The following CYP20A1 variants were observed in gnomAD, a reference collection of about 807,000 sequenced individuals.
CYP20A1 encodes cytochrome P450 20A1.
A neutral mutation model predicts 61.4 loss-of-function variants in CYP20A1; 61 were observed. That is an observed-to-expected ratio of 0.99 (90% confidence interval 0.81 to 1.23). CYP20A1 has a LOEUF of 1.23. CYP20A1 is among the 50% of genes most tolerant of loss of function. The pLI is 0.00. For missense variants in CYP20A1, 530 were observed against 542.4 expected, an observed-to-expected ratio of 0.98 and a Z score of 0.23; for synonymous variants, 193 against 188.2, an observed-to-expected ratio of 1.03 and a Z score of -0.21.
In CYP20A1 at chr2:203,252,017, G is replaced by A; in HGVS notation, c.340G>A (p.Gly114Ser). 2 of 1,610,748 alleles carry A rather than the reference G, an allele frequency of 1.2e-6. No individual in the cohort carries two copies. The highest frequency in any genetic ancestry group is 1.3e-5 in the African/African-American group (1 of 74,734). The change falls in exon 4 of 13, where the codon GGT (glycine) becomes AGT (serine). Residue 114 changes from glycine to serine, a missense_variant. By Grantham distance (56) the Gly-to-Ser change is moderately conservative (BLOSUM62 0). Coordinates refer to ENST00000356079, the MANE Select transcript of CYP20A1 (RefSeq NM_177538.3). ...LKSLLRYQSG[G>S]GSVSENHMRK... ...GTCATTATTAAGGTATCAATCTGGT[G>A]GTGGCAGTGTGAGTGAAAACCACAT...
intron 11 of CYP20A1, among the ~76,000 whole-genome samples, chr2:203,294,941 A>ATTTTTTTT (rs1167546590): frequency 0.019 from 839 of 45,346 alleles, 73 homozygotes; most frequent in Non-Finnish European, 0.023. Context: ...CTTTAAAAAA[A>ATTTTTTTT]TTTTTTTTTT....
intron 3 of CYP20A1, among the ~76,000 whole-genome samples, 149 bp from the exon 4 acceptor site, chr2:203,251,808 TATATATATAA>T (rs1261179951): frequency 5.0e-5 from 5 of 99,576 alleles, no homozygotes; most frequent in African/African-American, 1.4e-4. Flanking sequence ...TATATATATA[TATATATATAA>T]AAAATAAAAA....
chr2:203,261,514 C>T (rs2067136224), intron 4 of CYP20A1, among the ~76,000 whole-genome samples: 1 of 138,768 alleles, frequency 7.2e-6, no homozygotes, highest in Non-Finnish European at 1.6e-5. Flanking sequence ...CTACAGGATG[C>T]AGTGCTCAGT....
Position 203,289,848 on chromosome 2 carries a change from A to G in CYP20A1, c.1055A>G (p.Lys352Arg). 1 of 1,588,916 alleles carries G rather than the reference A, an allele frequency of 6.3e-7. No individual in the cohort carries two copies. The highest frequency in any genetic ancestry group is 1.1e-5 in the South Asian group (1 of 87,670). ...GCCCAGCTTCAAGATATTGAAGGAA[A>G]AATTGACCGATTTATTATTCCTAGA... ...VSAQLQDIEG[K>R]IDRFIIPRET... Residue 352 changes from lysine to arginine, a missense_variant, in exon 10 of 13, where the codon AAA (lysine) becomes AGA (arginine). Lys to Arg is a conservative substitution (Grantham distance 26). Coordinates refer to ENST00000356079, the MANE Select transcript of CYP20A1 (RefSeq NM_177538.3).
intron 5 of CYP20A1, among the ~76,000 whole-genome samples, chr2:203,270,376 A>G (rs1476892678): frequency 6.6e-6 from 1 of 151,976 alleles, no homozygotes; most frequent in Admixed American, 6.6e-5. Context: ...ACACAGTATC[A>G]CCATGTTGCC....
intron 10 of CYP20A1, 138 bp downstream of exon 10, chr2:203,290,014 C>T: frequency 3.0e-6 from 1 of 337,134 alleles, no homozygotes; most frequent in Non-Finnish European, 5.5e-6. Flanking sequence ...GATCTTGGCT[C>T]ACTGCAACCT....
intron 3 of CYP20A1, among the ~76,000 whole-genome samples, chr2:203,247,321 T>C (rs1271046879): frequency 6.6e-6 from 1 of 152,208 alleles, no homozygotes. Flanking sequence ...TGTTCTTGGA[T>C]AGGAATAGCC....
chr2:203,275,612 A>G (rs922384616), intron 6 of CYP20A1, among the ~76,000 whole-genome samples: 1 of 152,056 alleles, frequency 6.6e-6, no homozygotes, highest in Non-Finnish European at 1.5e-5. Context: ...AATAATTTTT[A>G]TAGTTTTAGT....
chr2:203,305,210 T>C lies in CYP20A1; in HGVS notation c.*8302T>C, dbSNP rs2069170683. ...GGTGGCTGTCTTTTTTTTTTTTTTT[T>C]TTTTTTTTTGAGACCGAGTCTCCCT... On this transcript the variant is annotated 3_prime_UTR_variant, in exon 13 of 13. Coordinates refer to ENST00000356079, the MANE Select transcript of CYP20A1 (RefSeq NM_177538.3). 2.1e-5 allele frequency among the ~76,000 whole-genome samples: 3 copies of C among 141,432 alleles called. No individual in the cohort carries two copies. The Admixed American group carries it at 2.2e-4, about 10-fold the overall frequency. The allele number at this position is 141,432 out of a possible 152,430, so 92.8% of individuals were successfully genotyped here. A position where few individuals can be genotyped will look rare whatever the true frequency, so the allele number is the denominator to read the frequency against.
intron 4 of CYP20A1, among the ~76,000 whole-genome samples, chr2:203,256,550 G>T (rs1452316237): frequency 6.6e-6 from 1 of 151,860 alleles, no homozygotes; most frequent in Non-Finnish European, 1.5e-5. Context: ...GTAGAGGCAG[G>T]GTTTCGCCAT....
intron 1 of CYP20A1, among the ~76,000 whole-genome samples, chr2:203,242,200 G>A (rs1263319231): frequency 6.6e-6 from 1 of 151,994 alleles, no homozygotes; most frequent in Non-Finnish European, 1.5e-5. Flanking sequence ...TGCCCAGGCT[G>A]GTCTCGAACT....
chr2:203,254,028 A>C (rs532700700), intron 4 of CYP20A1, among the ~76,000 whole-genome samples: 131 of 151,988 alleles, frequency 8.6e-4, no homozygotes, highest in Middle Eastern at 3.4e-3. Flanking sequence ...GCTCACTGCA[A>C]CTTCCGCCTC....
intron 4 of CYP20A1, among the ~76,000 whole-genome samples, chr2:203,261,243 C>T (rs570558180): frequency 6.6e-6 from 1 of 151,554 alleles, no homozygotes; most frequent in African/African-American, 2.4e-5. Flanking sequence ...ATAGGGGCTA[C>T]TCTAAGGAGA....
intron 9 of CYP20A1, among the ~76,000 whole-genome samples, chr2:203,288,257 G>C (rs549879022): frequency 6.6e-6 from 1 of 151,326 alleles, no homozygotes; most frequent in Non-Finnish European, 1.5e-5. Flanking sequence ...GTAGACACAG[G>C]GTTTTACCAT....
intron 10 of CYP20A1, among the ~76,000 whole-genome samples, chr2:203,291,947 C>A (rs1296366292): frequency 6.6e-6 from 1 of 151,962 alleles, no homozygotes; most frequent in African/African-American, 2.4e-5. Context: ...TTTGTCCTTG[C>A]GATAGTTTGC....
chr2:203,253,391 T>C (rs550732136), intron 4 of CYP20A1, among the ~76,000 whole-genome samples: 1 of 152,082 alleles, frequency 6.6e-6, no homozygotes, highest in African/African-American at 2.4e-5. Context: ...GGCTCCATCC[T>C]CCAGAGGCAA....
rs1011259765 is a variant in CYP20A1, at chr2:203,301,284, T to C, written c.*4376T>C. On this transcript the variant is annotated 3_prime_UTR_variant, in exon 13 of 13. Coordinates refer to ENST00000356079, the MANE Select transcript of CYP20A1 (RefSeq NM_177538.3). ...TTTCTTTTTTTTTTTTGAGGCACAG[T>C]CTTGCTTTGTTGACCAAGCTGGAGT... Among the ~76,000 whole-genome samples, 4 of 150,830 alleles carry C rather than the reference T, an allele frequency of 2.7e-5. No individual in the cohort carries two copies. Among genetic ancestry groups the C allele is most frequent in the African/African-American group, 9.7e-5 (4 of 41,052 alleles).
intron 2 of CYP20A1, 42 bp from the exon 3 acceptor site, chr2:203,246,713 A>T: frequency 6.4e-7 from 1 of 1,570,220 alleles, no homozygotes; most frequent in Non-Finnish European, 8.6e-7. Flanking sequence ...TCATTTTTCC[A>T]AATTAAATTG....
At chr2:203,283,326 C>T (rs2068122212) in intron 8 of CYP20A1, among the ~76,000 whole-genome samples, 1 of 146,272 alleles carries the variant, frequency 6.8e-6, no homozygotes, top group Non-Finnish European at 1.5e-5. Flanking sequence ...AAGCGATTCT[C>T]CTGCCTCAGC....
Sources: allele counts gnomAD v4.1 joint callset (sites outside exome capture counted in the v4.1 genomes callset), GRCh38; gene constraint gnomAD v4.1.1; transcripts MANE v1.5; gene names NCBI Gene and HGNC (gene_info 2026-07-23, HGNC 2026-07-21).